EYA2: variants seen among roughly 807,000 people sequenced by gnomAD.
The protein encoded by EYA2 is EYA transcriptional coactivator and phosphatase 2.
A neutral mutation model predicts 69.2 loss-of-function variants in EYA2; 31 were observed. The ratio of observed to expected loss-of-function variants is 0.45; its 90% CI spans 0.34 to 0.60. The LOEUF (loss-of-function observed/expected upper bound fraction) is 0.60, where lower values mean the gene tolerates loss of function less well. Among genes scored for constraint, EYA2 ranks in the 20% least tolerant of loss-of-function variants. The pLI, the probability that EYA2 is intolerant of heterozygous loss-of-function variation, is 0.02. For missense variants in EYA2, 622 were observed against 701.2 expected, an observed-to-expected ratio of 0.89 and a Z score of 1.28; for synonymous variants, 257 against 279.4, an observed-to-expected ratio of 0.92 and a Z score of 0.80.
chr20:46,995,188 AC>A (rs1328465824), intron 2 of EYA2, among the ~76,000 whole-genome samples: 1 of 152,222 alleles, frequency 6.6e-6, no homozygotes, highest in African/African-American at 2.4e-5. Context: ...GGCATGAGCC[AC>A]CGTGCCTGGC....
At chr20:47,064,323 C>G (rs2031025227) in intron 5 of EYA2, among the ~76,000 whole-genome samples, 1 of 152,200 alleles carries the variant, frequency 6.6e-6, no homozygotes, top group African/African-American at 2.4e-5. Flanking sequence ...TTTCATTCCT[C>G]TTTATGGCGG....
chr20:47,068,932 G>A (rs945661963), intron 5 of EYA2, among the ~76,000 whole-genome samples: 3 of 152,172 alleles, frequency 2.0e-5, no homozygotes, highest in African/African-American at 7.2e-5. Context: ...AGATGTGCCT[G>A]CAGTTGTGCG....
intron 5 of EYA2, among the ~76,000 whole-genome samples, chr20:47,022,989 T>C (rs1220520432): frequency 3.9e-5 from 6 of 152,130 alleles, no homozygotes; most frequent in African/African-American, 1.4e-4. Flanking sequence ...AGAAACCCCA[T>C]GTCCATTAGC....
At chr20:47,026,022 G>A (rs1480753253) in intron 5 of EYA2, among the ~76,000 whole-genome samples, 1 of 152,230 alleles carries the variant, frequency 6.6e-6, no homozygotes, top group Admixed American at 6.5e-5. Flanking sequence ...AAGCAATTAA[G>A]TACTAGGCAT....
chr20:47,078,287 A>G (rs920508021), intron 7 of EYA2, among the ~76,000 whole-genome samples: 2 of 151,914 alleles, frequency 1.3e-5, no homozygotes, highest in East Asian at 1.9e-4. Context: ...CTGTAAAGGA[A>G]TTTAAGCATA....
intron 1 of EYA2, among the ~76,000 whole-genome samples, chr20:46,987,415 T>TTC (rs1981302055): frequency 6.6e-6 from 1 of 152,212 alleles, no homozygotes; most frequent in Non-Finnish European, 1.5e-5. Context: ...TTACGGGCCA[T>TTC]AGGTAGTGTC....
chr20:47,158,672 G>A (rs1218364851), intron 10 of EYA2, among the ~76,000 whole-genome samples: 3 of 151,926 alleles, frequency 2.0e-5, no homozygotes, highest in Non-Finnish European at 4.4e-5. Flanking sequence ...CTGATTCTAG[G>A]GCTGGGCCAA....
intron 9 of EYA2, among the ~76,000 whole-genome samples, chr20:47,113,674 A>G (rs575519055): frequency 3.3e-4 from 50 of 152,238 alleles, no homozygotes; most frequent in African/African-American, 1.2e-3. Context: ...GTATTCACCC[A>G]CTGCAAAGGT....
intron 14 of EYA2, 127 bp downstream of exon 14, chr20:47,181,063 C>G: frequency 7.5e-7 from 1 of 1,328,380 alleles, no homozygotes; most frequent in East Asian, 2.4e-5. Context: ...ATGGCCATGA[C>G]TCAGATTCCC....
rs113967287 is a variant in EYA2 at position 47,081,892 on chromosome 20, T to G, written c.662-7347T>G. ...TCTCGATCTGTCGCCCAGGCTGGAGTGCGATGGTGTGACCTTGGCTCACTG... is the reference window on the plus strand; with the variant it reads ...TCTCGATCTGTCGCCCAGGCTGGAGGGCGATGGTGTGACCTTGGCTCACTG... On this transcript the variant is annotated intron_variant, in intron 7 of 15. Coordinates refer to ENST00000327619, the MANE Select transcript of EYA2 (RefSeq NM_005244.5). Among the ~76,000 whole-genome samples the G allele has an allele frequency of 7.8e-3, 1,174 of 151,372 alleles. 15 individuals are homozygous for G. Among genetic ancestry groups the G allele is most frequent in the African/African-American group, 0.027 (1,126 of 41,286 alleles).
Position 47,024,927 on chromosome 20 carries a change from C to A in EYA2, c.415+8630C>A, listed in dbSNP as rs982207172. Reference sequence around the variant, plus strand: ...GCTAACAGCAGCTGAATGTAAAATACCAAACACAAGCAAATGCAGCAAGCC... The same window carrying A: ...GCTAACAGCAGCTGAATGTAAAATAACAAACACAAGCAAATGCAGCAAGCC... On this transcript the variant is annotated intron_variant, in intron 5 of 15. Transcript: ENST00000327619. Among the ~76,000 whole-genome samples, 20 of 152,326 alleles carry A rather than the reference C, an allele frequency of 1.3e-4. No individual in the cohort carries two copies. In the East Asian group the frequency reaches 3.7e-3, roughly 28 times the overall value.
At chr20:47,107,770 A>T (rs1368931901) in intron 9 of EYA2, among the ~76,000 whole-genome samples, 2 of 107,638 alleles carry the variant, frequency 1.9e-5, no homozygotes, top group Non-Finnish European at 4.7e-5. Context: ...GAGAAGAAAG[A>T]AGAAGTAGGA....
At chr20:46,978,523 G>A in intron 1 of EYA2, 1 of 532,240 alleles carries the variant, frequency 1.9e-6, no homozygotes, top group Non-Finnish European at 3.9e-6. Flanking sequence ...AGAAAGGCCA[G>A]CGTGCTGGAA....
At chr20:47,144,536 A>G (rs934328987) in intron 10 of EYA2, among the ~76,000 whole-genome samples, 1 of 152,226 alleles carries the variant, frequency 6.6e-6, no homozygotes, top group African/African-American at 2.4e-5. Context: ...CCAAGGCACT[A>G]CTAATATTTA....
intron 9 of EYA2, among the ~76,000 whole-genome samples, chr20:47,139,931 G>A (rs765031243): frequency 4.6e-5 from 7 of 152,064 alleles, no homozygotes; most frequent in South Asian, 2.1e-4. Flanking sequence ...ACCAATATGC[G>A]GTATTTGCCT....
intron 7 of EYA2, among the ~76,000 whole-genome samples, chr20:47,080,442 G>T (rs2031669138): frequency 1.8e-5 from 2 of 113,998 alleles, no homozygotes; most frequent in Non-Finnish European, 3.5e-5. Flanking sequence ...AATGAGGGAG[G>T]GGGGAGGGAG....
intron 5 of EYA2, among the ~76,000 whole-genome samples, chr20:47,044,439 A>G (rs902649347): frequency 6.6e-6 from 1 of 152,150 alleles, no homozygotes; most frequent in Non-Finnish European, 1.5e-5. Context: ...ACAAAAATCA[A>G]TATTTGTAAT....
rs111645489 is a variant in EYA2 at position 47,047,020 on chromosome 20, G to A, written c.416-25165G>A. Among the ~76,000 whole-genome samples the A allele has an allele frequency of 1.0e-3, 155 of 152,296 alleles. 2 individuals are homozygous for A. The highest frequency in any genetic ancestry group is 3.2e-3 in the African/African-American group (135 of 41,562). On this transcript the variant is annotated intron_variant, in intron 5 of 15. Transcript: ENST00000327619. ...TATTGTGAAGACAAAAATAAGATCAGATTAGGGCAACTTGCTCATTTTCTA... is the reference window on the plus strand; with the variant it reads ...TATTGTGAAGACAAAAATAAGATCAAATTAGGGCAACTTGCTCATTTTCTA...
intron 5 of EYA2, among the ~76,000 whole-genome samples, chr20:47,033,534 T>C (rs898762685): frequency 5.9e-5 from 9 of 152,224 alleles, no homozygotes; most frequent in African/African-American, 2.2e-4. Context: ...GGTGAGTTGC[T>C]ATGGCTGCCT....
Sources: gnomAD v4.1 joint callset for allele counts (sites outside exome capture counted in the v4.1 genomes callset) on GRCh38, gnomAD v4.1.1 for gene constraint, MANE v1.5 for transcripts, NCBI Gene and HGNC (gene_info 2026-07-23, HGNC 2026-07-21) for gene names.